NRXN1: variants seen among roughly 807,000 people sequenced by gnomAD.
NRXN1 encodes neurexin-1.
Under a neutral mutation model 150.9 loss-of-function variants are expected in NRXN1, and 39 were observed. The observed-to-expected ratio is 0.26, with a 90% CI of 0.20 to 0.34. The LOEUF (loss-of-function observed/expected upper bound fraction) is 0.34. Among genes scored for constraint, NRXN1 ranks in the 10% least tolerant of loss-of-function variants. The pLI is 1.00. For synonymous variants in NRXN1, 924 were observed against 757.0 expected (o/e 1.22, Z -3.62); for missense variants, 1,815 against 1,949.9 (o/e 0.93, Z 1.30).
chr2:50,937,235 T>C (rs1688687660), intron 2 of NRXN1, among the ~76,000 whole-genome samples: 1 of 152,202 alleles, frequency 6.6e-6, no homozygotes, highest in Non-Finnish European at 1.5e-5. Flanking sequence ...TTATTATAAT[T>C]AATGCTTCCT....
At chr2:49,962,903 T>C (rs1341539169) in intron 21 of NRXN1, among the ~76,000 whole-genome samples, 3 of 152,084 alleles carry the variant, frequency 2.0e-5, no homozygotes, top group Non-Finnish European at 4.4e-5. Context: ...CAGTGAGCTA[T>C]GATCATGCAA....
intron 17 of NRXN1, among the ~76,000 whole-genome samples, chr2:50,444,918 C>G (rs2086269979): frequency 6.6e-6 from 1 of 151,868 alleles, no homozygotes; most frequent in Non-Finnish European, 1.5e-5. Flanking sequence ...TATAATTTAT[C>G]TTGATTACTG....
At chr2:50,794,865 G>C (rs1479249328) in intron 5 of NRXN1, among the ~76,000 whole-genome samples, 2 of 151,928 alleles carry the variant, frequency 1.3e-5, no homozygotes, top group Non-Finnish European at 2.9e-5. Flanking sequence ...TCAATATTAT[G>C]GCTGAAAACA....
chr2:50,009,506 G>A (rs1337753138), intron 21 of NRXN1, among the ~76,000 whole-genome samples: 2 of 152,072 alleles, frequency 1.3e-5, no homozygotes, highest in East Asian at 1.9e-4. Flanking sequence ...TGTCCTCAGT[G>A]GCTTTCATAT....
At chr2:50,776,721 T>C (rs1486984938) in intron 5 of NRXN1, among the ~76,000 whole-genome samples, 2 of 151,670 alleles carry the variant, frequency 1.3e-5, no homozygotes, top group East Asian at 1.9e-4. Context: ...TAGATTAGTA[T>C]GAAAATTCAA....
intron 5 of NRXN1, among the ~76,000 whole-genome samples, chr2:50,834,917 A>C (rs183392906): frequency 2.0e-5 from 3 of 152,306 alleles, no homozygotes; most frequent in African/African-American, 7.2e-5. Flanking sequence ...ACTTGAATGC[A>C]GTCAGTGTCT....
chr2:50,032,320 TTCTC>T (rs2152568588), intron 21 of NRXN1, among the ~76,000 whole-genome samples: 1 of 152,222 alleles, frequency 6.6e-6, no homozygotes, highest in Non-Finnish European at 1.5e-5. Context: ...ACCTGAAACT[TTCTC>T]TATTGTGATA....
chr2:50,159,028 G>A (rs529928658), intron 18 of NRXN1, among the ~76,000 whole-genome samples: 14 of 152,166 alleles, frequency 9.2e-5, no homozygotes, highest in African/African-American at 3.4e-4. Flanking sequence ...AGTTGCCAAT[G>A]ATGATCAGAG....
chr2:50,881,675 T>C (rs1679451577), intron 5 of NRXN1, among the ~76,000 whole-genome samples: 1 of 151,926 alleles, frequency 6.6e-6, no homozygotes, highest in Non-Finnish European at 1.5e-5. Context: ...GGCTGGACCC[T>C]GATTTGAGTG....
At chr2:50,411,296 G>A (rs1043971690) in intron 17 of NRXN1, among the ~76,000 whole-genome samples, 13 of 152,186 alleles carry the variant, frequency 8.5e-5, no homozygotes, top group African/African-American at 2.4e-4. Flanking sequence ...CCGAGGTGCC[G>A]GGATTGCAGA....
At chr2:51,012,947 G>A (rs967835359) in intron 2 of NRXN1, among the ~76,000 whole-genome samples, 1 of 151,870 alleles carries the variant, frequency 6.6e-6, no homozygotes, top group Non-Finnish European at 1.5e-5. Context: ...ATTCATACCA[G>A]TACTACCAAA....
At position 51,013,479 on chromosome 2, in the gene NRXN1, G is replaced by A. The variant is rs1011578820; in HGVS notation, c.772+14023C>T. ...GTTTTTTTTTTTTGGCAGAAATTAG[G>A]TTTTGTAGGGGGAGGGGAGAGTATT... On this transcript the variant is annotated intron_variant, in intron 2 of 22. Transcript: ENST00000401669. Among the ~76,000 whole-genome samples, 3 of 151,170 alleles carry A rather than the reference G, an allele frequency of 2.0e-5. No homozygotes were observed. In the East Asian group the frequency reaches 5.9e-4, roughly 30 times the overall value.
intron 5 of NRXN1, among the ~76,000 whole-genome samples, chr2:50,659,342 G>C (rs973045488): frequency 1.3e-5 from 2 of 151,946 alleles, no homozygotes; most frequent in African/African-American, 2.4e-5. Context: ...ACGTTCATTT[G>C]ATAGGCCTAT....
At chr2:50,969,019 T>A (rs1054815827) in intron 2 of NRXN1, among the ~76,000 whole-genome samples, 2 of 152,064 alleles carry the variant, frequency 1.3e-5, no homozygotes, top group Non-Finnish European at 2.9e-5. Flanking sequence ...GCCAGGTAAG[T>A]CCCAGTAACA....
At chr2:50,966,651 T>C (rs1295103804) in intron 2 of NRXN1, among the ~76,000 whole-genome samples, 1 of 151,814 alleles carries the variant, frequency 6.6e-6, no homozygotes, top group African/African-American at 2.4e-5. Context: ...CCTGCCCATT[T>C]GATAAAATTG....
intron 15 of NRXN1, among the ~76,000 whole-genome samples, chr2:50,492,010 T>C (rs1476855597): frequency 6.6e-6 from 1 of 152,162 alleles, no homozygotes; most frequent in Non-Finnish European, 1.5e-5. Context: ...AGTAGGCACT[T>C]AATAAATATT....
chr2:50,751,546 T>C (rs186025835), intron 5 of NRXN1, among the ~76,000 whole-genome samples: 33 of 152,004 alleles, frequency 2.2e-4, no homozygotes, highest in Admixed American at 8.5e-4. Flanking sequence ...AGCAGAAACA[T>C]TGCCAGCATG....
chr2:50,806,179 T>G (rs1376900938), intron 5 of NRXN1, among the ~76,000 whole-genome samples: 1 of 152,192 alleles, frequency 6.6e-6, no homozygotes, highest in Non-Finnish European at 1.5e-5. Context: ...TCCAGTTTGA[T>G]GTAGGCAGGA....
At chr2:50,201,775 T>C (rs10174387) in intron 18 of NRXN1, among the ~76,000 whole-genome samples, 123,228 of 152,190 alleles carry the variant, frequency 0.81, 50,367 homozygotes, top group African/African-American at 0.92. Context: ...CATGTGATTG[T>C]CACCAAGTTT....
Sources: allele counts gnomAD v4.1 joint callset (sites outside exome capture counted in the v4.1 genomes callset), GRCh38; gene constraint gnomAD v4.1.1; transcripts MANE v1.5; gene names NCBI Gene and HGNC (gene_info 2026-07-23, HGNC 2026-07-21).